UBE2K: variants seen among roughly 807,000 people sequenced by gnomAD.
UBE2K encodes ubiquitin-conjugating enzyme E2 K.
Under a neutral mutation model 30.0 loss-of-function variants are expected in UBE2K, and 6 were observed. The observed-to-expected ratio is 0.20, with a 90% CI of 0.11 to 0.39. The LOEUF is 0.39. Among genes scored for constraint, UBE2K ranks in the 10% least tolerant of loss-of-function variants. The pLI, the probability that UBE2K is intolerant of heterozygous loss-of-function variation, is 1.00. For synonymous variants in UBE2K, 86 were observed against 83.7 expected (o/e 1.03, Z -0.15); for missense variants, 61 against 241.6 (o/e 0.25, Z 4.96).
At position 39,782,582 on chromosome 4, in the gene UBE2K, G is replaced by A. The variant is rs1713677626; in HGVS notation, c.*4148G>A. On this transcript the variant is annotated 3_prime_UTR_variant, in exon 7 of 7. Coordinates refer to ENST00000261427, the MANE Select transcript of UBE2K (RefSeq NM_005339.5). Reference sequence around the variant, plus strand: ...TTCTGAGCCGTTAACTTCCTGTAAGGGGAAAATGGGTGGGTTACCAGAAAT... The same window carrying A: ...TTCTGAGCCGTTAACTTCCTGTAAGAGGAAAATGGGTGGGTTACCAGAAAT... The A allele has an allele frequency of 1.3e-5, 2 of 152,050 alleles. No homozygotes were observed. The highest frequency in any genetic ancestry group is 1.3e-4 in the Admixed American group (2 of 15,254). 9.4% of individuals were successfully genotyped at this position (152,050 alleles called of 1,614,324 possible). A position where few individuals can be genotyped will look rare whatever the true frequency, so the allele number is the denominator to read the frequency against.
chr4:39,746,101 T>A (rs1422209808), intron 3 of UBE2K, among the ~76,000 whole-genome samples: 1 of 152,000 alleles, frequency 6.6e-6, no homozygotes, highest in Non-Finnish European at 1.5e-5. Context: ...GTTCCCAAAT[T>A]TAGAGAGCCC....
At chr4:39,759,227 GTGA>G (rs1047472020) in intron 4 of UBE2K, among the ~76,000 whole-genome samples, 1 of 151,978 alleles carries the variant, frequency 6.6e-6, no homozygotes, top group African/African-American at 2.4e-5. Flanking sequence ...GCATCTAGGG[GTGA>G]TGATATACCT....
chr4:39,714,527 TATATATATATATATA>T (rs1718903844), intron 1 of UBE2K: 2 of 28,700 alleles, frequency 7.0e-5, no homozygotes, highest in Non-Finnish European at 1.1e-4. Flanking sequence ...CATATATATA[TATATATATATATATA>T]TATATATATT....
At chr4:39,723,411 C>T (rs190120233) in intron 1 of UBE2K, among the ~76,000 whole-genome samples, 131 of 148,320 alleles carry the variant, frequency 8.8e-4, no homozygotes, top group Non-Finnish European at 1.5e-3. Flanking sequence ...CCCTGTTGCC[C>T]GGGCTGGAGT....
chr4:39,728,355 A>G (rs985657644), intron 1 of UBE2K, among the ~76,000 whole-genome samples: 2 of 152,140 alleles, frequency 1.3e-5, no homozygotes, highest in African/African-American at 4.8e-5. Context: ...TACGCCTCTA[A>G]TCCCAACAGT....
chr4:39,745,680 G>C (rs1444921237), intron 2 of UBE2K, 72 bp from the exon 3 acceptor site: 3 of 987,970 alleles, frequency 3.0e-6, no homozygotes, highest in African/African-American at 1.7e-5. Context: ...GCTCTGAAAA[G>C]CTCATCAGTA....
intron 4 of UBE2K, among the ~76,000 whole-genome samples, chr4:39,764,141 G>A (rs1712153918): frequency 6.6e-6 from 1 of 152,164 alleles, no homozygotes; most frequent in South Asian, 2.1e-4. Flanking sequence ...GATTGCTTGA[G>A]CCCAGGTGTT....
chr4:39,775,011 CAT>C, intron 5 of UBE2K, 78 bp downstream of exon 5: 1 of 793,708 alleles, frequency 1.3e-6, no homozygotes, highest in Admixed American at 3.2e-5. Flanking sequence ...CACATTAACA[CAT>C]GAGCATACTC....
At chr4:39,723,369 T>C (rs1383902558) in intron 1 of UBE2K, among the ~76,000 whole-genome samples, 1 of 145,822 alleles carries the variant, frequency 6.9e-6, no homozygotes, top group African/African-American at 2.6e-5. Context: ...TCTCTTTTTT[T>C]TTTTTTTTTT....
intron 4 of UBE2K, among the ~76,000 whole-genome samples, chr4:39,761,861 A>T (rs976357600): frequency 4.7e-5 from 7 of 147,406 alleles, no homozygotes; most frequent in Non-Finnish European, 7.5e-5. Flanking sequence ...TATAGTATTC[A>T]TTTTTTTTTT....
chr4:39,736,474 G>T (rs1275315704), intron 1 of UBE2K, among the ~76,000 whole-genome samples: 1 of 152,146 alleles, frequency 6.6e-6, no homozygotes, highest in African/African-American at 2.4e-5. Context: ...AAAAAAGGAA[G>T]ATGTAACCTG....
intron 1 of UBE2K, among the ~76,000 whole-genome samples, chr4:39,735,856 G>A (rs1720349388): frequency 1.3e-5 from 2 of 152,054 alleles, no homozygotes; most frequent in Admixed American, 1.3e-4. Flanking sequence ...GTACTAATTA[G>A]AAAGTAAGTT....
chr4:39,713,302 T>TTTTTTTTTTTTTTTG (rs1718820020), intron 1 of UBE2K, among the ~76,000 whole-genome samples: 2 of 145,742 alleles, frequency 1.4e-5, no homozygotes, highest in Non-Finnish European at 1.5e-5. Context: ...TTTTTTTTTT[T>TTTTTTTTTTTTTTTG]GAGACAGTTC....
intron 1 of UBE2K, among the ~76,000 whole-genome samples, chr4:39,732,672 C>CTTTTTTTTTT (rs10650873): frequency 4.3e-5 from 5 of 115,110 alleles, no homozygotes; most frequent in East Asian, 2.5e-4. Context: ...CTTCTTCCCT[C>CTTTTTTTTTT]TTTTTTTTTT....
intron 4 of UBE2K, among the ~76,000 whole-genome samples, chr4:39,764,950 G>A (rs1024529238): frequency 3.3e-5 from 5 of 151,268 alleles, no homozygotes; most frequent in South Asian, 2.1e-4. Context: ...GCAGTGGCGC[G>A]ATCTCGGCTG....
chr4:39,737,509 T>C lies in UBE2K; in HGVS notation c.153T>C (p.Tyr51=). ...TAGCAGGACCTCCAGACACACCATA[T>C]GAAGGCAAGTACTTTTTTCTGTATC... ...GEIAGPPDTP[Y]EGGRYQLEIK... is the part of the protein sequence containing the mutation. The change falls in exon 2 of 7, where the codon TAT becomes TAC. Residue 51 remains tyrosine (Y), a synonymous_variant. Transcript: ENST00000261427. The C allele has an allele frequency of 6.4e-7, 1 of 1,555,786 alleles. No homozygotes were observed. Among genetic ancestry groups the C allele is most frequent in the Non-Finnish European group, 8.6e-7 (1 of 1,156,532 alleles).
intron 4 of UBE2K, chr4:39,771,360 G>A: frequency 6.2e-7 from 1 of 1,612,798 alleles, no homozygotes; most frequent in East Asian, 2.2e-5. Flanking sequence ...CCTCTGCCCG[G>A]AGCTTGTTCA....
chr4:39,781,835 T>C lies in UBE2K; in HGVS notation c.*3401T>C, dbSNP rs1713631047. 3 of 397,716 alleles carry C rather than the reference T, an allele frequency of 7.5e-6. No individual in the cohort carries two copies. 24.6% of individuals were successfully genotyped at this position (397,716 alleles called of 1,614,324 possible). A position where few individuals can be genotyped will look rare whatever the true frequency, so the allele number is the denominator to read the frequency against. On this transcript the variant is annotated 3_prime_UTR_variant, in exon 7 of 7. Coordinates refer to ENST00000261427, the MANE Select transcript of UBE2K (RefSeq NM_005339.5). The stretch of plus-strand genomic sequence containing the variant: ...TCAATTCCAGGGTACAAACCATTGA[T>C]TTAAAAATTACGTTTCCATTCTTTT...
At chr4:39,744,648 T>C (rs1006018583) in intron 2 of UBE2K, among the ~76,000 whole-genome samples, 3 of 151,564 alleles carry the variant, frequency 2.0e-5, no homozygotes, top group Admixed American at 6.6e-5. Flanking sequence ...GGCTCACGCC[T>C]GTGATCCCAG....
Sources: gnomAD v4.1 joint callset for allele counts (sites outside exome capture counted in the v4.1 genomes callset) on GRCh38, gnomAD v4.1.1 for gene constraint, MANE v1.5 for transcripts, NCBI Gene and HGNC (gene_info 2026-07-23, HGNC 2026-07-21) for gene names.